The following ZMIZ1 variants were observed in gnomAD, a reference collection of about 807,000 sequenced individuals.
ZMIZ1 encodes the protein zinc finger MIZ-type containing 1.
A neutral mutation model predicts 113.9 loss-of-function variants in ZMIZ1; 17 were observed. That is an observed-to-expected ratio of 0.15 (90% CI 0.10 to 0.22). The LOEUF is 0.22. Among genes scored for constraint, ZMIZ1 ranks in the 10% least tolerant of loss-of-function variants. ZMIZ1 has a pLI of 1.00. For missense variants in ZMIZ1, 1,059 were observed against 1,477.8 expected (o/e 0.72, Z 4.65); for synonymous variants, 607 against 603.1 (o/e 1.01, Z -0.09).
intron 7 of ZMIZ1, among the ~76,000 whole-genome samples, chr10:79,239,183 G>T (rs1326531521): frequency 6.6e-6 from 1 of 152,226 alleles, no homozygotes; most frequent in Non-Finnish European, 1.5e-5. Flanking sequence ...CCAGGAAGGG[G>T]TCTCTGGAGG....
intron 7 of ZMIZ1, among the ~76,000 whole-genome samples, chr10:79,247,910 G>A (rs1291615600): frequency 6.6e-6 from 1 of 152,216 alleles, no homozygotes; most frequent in African/African-American, 2.4e-5. Context: ...AAATTAGTGT[G>A]TGACCTTTGG....
chr10:79,275,955 G>T (rs1852261187), intron 7 of ZMIZ1, among the ~76,000 whole-genome samples: 1 of 152,234 alleles, frequency 6.6e-6, no homozygotes, highest in Admixed American at 6.5e-5. Context: ...TGTGGAGTCG[G>T]CTTTGCACCC....
At chr10:79,268,443 G>T (rs756281837) in intron 7 of ZMIZ1, among the ~76,000 whole-genome samples, 1 of 152,222 alleles carries the variant, frequency 6.6e-6, no homozygotes, top group Non-Finnish European at 1.5e-5. Flanking sequence ...GCCGCTGAGC[G>T]CCTGGTCACA....
chr10:79,083,633 C>A (rs1842725787), intron 1 of ZMIZ1, among the ~76,000 whole-genome samples: 1 of 152,170 alleles, frequency 6.6e-6, no homozygotes, highest in Non-Finnish European at 1.5e-5. Flanking sequence ...AGGGTGGCCA[C>A]AAGGAGACCA....
intron 1 of ZMIZ1, among the ~76,000 whole-genome samples, chr10:79,073,998 G>A (rs961929672): frequency 2.6e-5 from 4 of 152,144 alleles, no homozygotes; most frequent in Admixed American, 2.0e-4. Context: ...ATAATTAACC[G>A]CTACCAGCTG....
chr10:79,139,466 T>C (rs1845167538), intron 2 of ZMIZ1, among the ~76,000 whole-genome samples: 1 of 152,224 alleles, frequency 6.6e-6, no homozygotes, highest in Non-Finnish European at 1.5e-5. Flanking sequence ...TTTATATATT[T>C]TTCAAAATCC....
rs1392232118 is a variant in ZMIZ1 at position 79,310,340 on chromosome 10, C to T, written c.2836-584C>T. On this transcript the variant is annotated intron_variant, in intron 23 of 24. Coordinates refer to ENST00000334512, the MANE Select transcript of ZMIZ1 (RefSeq NM_020338.4). Reference sequence around the variant, plus strand: ...GCCAAATTCCACCCGCGCTGCAGGGCTTGTGCCAAGGCCCCAGCTGCTCCA... The same window carrying T: ...GCCAAATTCCACCCGCGCTGCAGGGTTTGTGCCAAGGCCCCAGCTGCTCCA... Among the ~76,000 whole-genome samples the T allele has an allele frequency of 2.6e-5, 4 of 152,230 alleles. No individual in the cohort carries two copies. In the East Asian group the frequency reaches 7.7e-4, roughly 29 times the overall value.
chr10:79,168,287 T>A (rs1846445846), intron 4 of ZMIZ1, among the ~76,000 whole-genome samples: 1 of 152,006 alleles, frequency 6.6e-6, no homozygotes, highest in Admixed American at 6.6e-5. Context: ...GGGGCCTACC[T>A]CCTCCCACCA....
At chr10:79,072,895 C>T (rs909201328) in intron 1 of ZMIZ1, among the ~76,000 whole-genome samples, 3 of 152,202 alleles carry the variant, frequency 2.0e-5, no homozygotes, top group African/African-American at 7.2e-5. Context: ...TCTGCTCATG[C>T]CCTTTGGGGG....
At chr10:79,086,691 TTGTAAAGACGA>T (rs1842826302) in intron 1 of ZMIZ1, among the ~76,000 whole-genome samples, 1 of 152,180 alleles carries the variant, frequency 6.6e-6, no homozygotes, top group African/African-American at 2.4e-5. Context: ...AAAATTTTTT[TTGTAAAGACGA>T]GGTCTTGCTT....
In ZMIZ1 at chr10:79,069,556, C is replaced by T. The variant is rs1842177476; in HGVS notation, c.-337+286C>T. ...CGGGGCGTAAGTGTGGTCGTGCGCG[C>T]GCGGACCCGGTGCCCGCCTCCTGCC... On this transcript the variant is annotated intron_variant, in intron 1 of 24. Transcript: ENST00000334512. This position sits in a 1 kb window ranked among gnomAD's most constrained non-coding sequence, Gnocchi z 4.6. Among the ~76,000 whole-genome samples, 1 of 151,708 alleles carries T rather than the reference C, an allele frequency of 6.6e-6. No individual in the cohort carries two copies. The highest frequency in any genetic ancestry group is 2.4e-5 in the African/African-American group (1 of 41,324).
intron 7 of ZMIZ1, among the ~76,000 whole-genome samples, chr10:79,253,978 A>C (rs1258762153): frequency 6.6e-6 from 1 of 152,230 alleles, no homozygotes; most frequent in Admixed American, 6.5e-5. Flanking sequence ...CCGTTCAGAA[A>C]ACTTAATTGT....
rs767483480 is a variant in ZMIZ1, at chr10:79,208,463, C to T, written c.174+14C>T. ...GGCTGTTTGACGGTGAGTCTGCACC[C>T]TGTCCGCCTGCATTCCTGCCCAGGA... is the stretch of plus-strand genomic sequence containing the variant. On this transcript the variant is annotated intron_variant, in intron 6 of 24. Coordinates refer to ENST00000334512, the MANE Select transcript of ZMIZ1 (RefSeq NM_020338.4). 8 of 1,605,524 alleles carry T rather than the reference C, an allele frequency of 5.0e-6. No homozygotes were observed. In the African/African-American group the frequency reaches 1.1e-4, roughly 21 times the overall value.
chr10:79,185,747 A>T (rs1299852666), intron 4 of ZMIZ1, among the ~76,000 whole-genome samples: 5 of 151,962 alleles, frequency 3.3e-5, no homozygotes, highest in Non-Finnish European at 7.4e-5. Context: ...CCATTGGAGG[A>T]TTGTGGATGA....
intron 7 of ZMIZ1, among the ~76,000 whole-genome samples, chr10:79,222,730 G>A (rs1223261051): frequency 1.3e-5 from 2 of 152,082 alleles, no homozygotes; most frequent in Admixed American, 1.3e-4. Flanking sequence ...CTTGGGAGAG[G>A]CTGGGTACTT....
In ZMIZ1 at chr10:79,314,045, C is replaced by T. The variant is rs1309157974; in HGVS notation, c.*1296C>T. 4.4e-6 allele frequency: 2 copies of T among 456,758 alleles called. No individual in the cohort carries two copies. The highest frequency in any genetic ancestry group is 8.8e-6 in the Non-Finnish European group (2 of 226,988). The allele number at this position is 456,758 out of a possible 1,614,324, so 28.3% of individuals were successfully genotyped here. On this transcript the variant is annotated 3_prime_UTR_variant, in exon 25 of 25. Transcript: ENST00000334512. ...CGTGTTTCTGGGCCTGCCCCAGACACTGCCCTTGGCTGCCAGCCTACCCTG... is the reference window on the plus strand; with the variant it reads ...CGTGTTTCTGGGCCTGCCCCAGACATTGCCCTTGGCTGCCAGCCTACCCTG...
chr10:79,179,006 C>T (rs1297702890), intron 4 of ZMIZ1, among the ~76,000 whole-genome samples: 1 of 152,226 alleles, frequency 6.6e-6, no homozygotes, highest in Non-Finnish European at 1.5e-5. Context: ...AGTCCAGACC[C>T]TGGAGGAAGG....
At chr10:79,174,586 G>A (rs1351909010) in intron 4 of ZMIZ1, among the ~76,000 whole-genome samples, 3 of 152,254 alleles carry the variant, frequency 2.0e-5, no homozygotes, top group African/African-American at 7.2e-5. Flanking sequence ...CCTGGGTGCT[G>A]GCAGGGAAGG....
intron 7 of ZMIZ1, among the ~76,000 whole-genome samples, chr10:79,273,059 G>A (rs1418507316): frequency 1.3e-5 from 2 of 152,202 alleles, no homozygotes; most frequent in African/African-American, 2.4e-5. Flanking sequence ...ATAAGAACCT[G>A]GTGCCTTGGG....
Sources: gnomAD v4.1 joint callset for allele counts (sites outside exome capture counted in the v4.1 genomes callset) on GRCh38, gnomAD v4.1.1 for gene constraint, Gnocchi (gnomAD v3.1) non-coding constraint, MANE v1.5 for transcripts, NCBI Gene and HGNC (gene_info 2026-07-23, HGNC 2026-07-21) for gene names.